Variants in TYR observed in about 807,000 individuals in gnomAD.
The protein encoded by TYR is tyrosinase.
Under a neutral mutation model 51.5 loss-of-function variants are expected in TYR, and 58 were observed. The observed-to-expected ratio is 1.13, with a 90% CI of 0.91 to 1.40. TYR has a LOEUF of 1.40. Among genes scored for constraint, TYR ranks in the 40% most tolerant of loss-of-function variants. The pLI, the probability that TYR is intolerant of heterozygous loss-of-function variation, is 0.00. For missense variants in TYR, 732 were observed against 647.4 expected (o/e 1.13, Z -1.42); for synonymous variants, 263 against 235.2 (o/e 1.12, Z -1.08).
At chr11:89,258,418 A>G (rs1415577834) in intron 3 of TYR, among the ~76,000 whole-genome samples, 2 of 151,652 alleles carry the variant, frequency 1.3e-5, no homozygotes, top group Non-Finnish European at 2.9e-5. Context: ...TATTACCTAT[A>G]TGGCAACATC....
intron 2 of TYR, among the ~76,000 whole-genome samples, chr11:89,207,330 T>C (rs1943685248): frequency 6.6e-6 from 1 of 152,094 alleles, no homozygotes; most frequent in African/African-American, 2.4e-5. Flanking sequence ...AATAAAAGCG[T>C]ACTATGAGCA....
At chr11:89,257,658 G>A (rs1449220342) in intron 3 of TYR, among the ~76,000 whole-genome samples, 1 of 151,938 alleles carries the variant, frequency 6.6e-6, no homozygotes, top group Non-Finnish European at 1.5e-5. Flanking sequence ...AACACAGAAG[G>A]ACCAGGAAAG....
chr11:89,275,018 C>T (rs1051889778), intron 3 of TYR, among the ~76,000 whole-genome samples: 3 of 151,814 alleles, frequency 2.0e-5, no homozygotes, highest in Admixed American at 6.6e-5. Flanking sequence ...TCATGGCATC[C>T]TCTTTGACCT....
intron 3 of TYR, among the ~76,000 whole-genome samples, chr11:89,246,362 C>G (rs893589789): frequency 7.2e-5 from 11 of 152,312 alleles, no homozygotes; most frequent in Middle Eastern, 3.4e-3. Context: ...CTACTTTCCT[C>G]ATAAGAACCT....
intron 3 of TYR, among the ~76,000 whole-genome samples, chr11:89,280,659 A>G (rs963861920): frequency 2.6e-5 from 4 of 151,598 alleles, no homozygotes; most frequent in Non-Finnish European, 5.9e-5. Context: ...TTTATATCAT[A>G]TCTAATATGA....
intron 4 of TYR, among the ~76,000 whole-genome samples, chr11:89,293,280 G>C (rs1316347870): frequency 6.6e-6 from 1 of 151,374 alleles, no homozygotes; most frequent in Admixed American, 6.6e-5. Flanking sequence ...CATGATTTTT[G>C]TTTGGTGAAT....
At chr11:89,262,891 A>T (rs1235427211) in intron 3 of TYR, among the ~76,000 whole-genome samples, 1 of 150,318 alleles carries the variant, frequency 6.7e-6, no homozygotes, top group East Asian at 1.9e-4. Flanking sequence ...ACAACAACAA[A>T]GAAAATCTCA....
intron 2 of TYR, among the ~76,000 whole-genome samples, chr11:89,212,536 G>A (rs1374139359): frequency 6.6e-6 from 1 of 151,926 alleles, no homozygotes; most frequent in African/African-American, 2.4e-5. Flanking sequence ...CATTCCTTCT[G>A]AAAATATTCC....
chr11:89,198,956 T>C (rs2135259740), intron 2 of TYR, among the ~76,000 whole-genome samples: 1 of 152,140 alleles, frequency 6.6e-6, no homozygotes, highest in African/African-American at 2.4e-5. Context: ...TTCCCCACCC[T>C]GTGTCCAAGC....
chr11:89,263,166 G>A (rs1175247656), intron 3 of TYR, among the ~76,000 whole-genome samples: 1 of 151,556 alleles, frequency 6.6e-6, no homozygotes, highest in African/African-American at 2.4e-5. Flanking sequence ...AAGCCAAATT[G>A]GATTTATTTG....
At chr11:89,199,919 A>G (rs1943574064) in intron 2 of TYR, among the ~76,000 whole-genome samples, 1 of 152,200 alleles carries the variant, frequency 6.6e-6, no homozygotes, top group African/African-American at 2.4e-5. Context: ...ATCTTTATGG[A>G]GCAAAATAAT....
At chr11:89,294,912 A>G (rs935688962) in intron 4 of TYR, among the ~76,000 whole-genome samples, 2 of 152,186 alleles carry the variant, frequency 1.3e-5, no homozygotes, top group African/African-American at 4.8e-5. Flanking sequence ...GATGTTATCT[A>G]TAAAATTCAA....
chr11:89,280,943 C>T (rs141101606), intron 3 of TYR, among the ~76,000 whole-genome samples: 1 of 151,896 alleles, frequency 6.6e-6, no homozygotes, highest in Admixed American at 6.6e-5. Flanking sequence ...TCCCTACATA[C>T]TCTTCCTCAG....
chr11:89,278,590 T>C (rs1944685321), intron 3 of TYR, among the ~76,000 whole-genome samples: 1 of 151,572 alleles, frequency 6.6e-6, no homozygotes, highest in Non-Finnish European at 1.5e-5. Context: ...TGTTTGTTCT[T>C]TTTTTAAGTA....
At chr11:89,262,492 C>A (rs185049478) in intron 3 of TYR, among the ~76,000 whole-genome samples, 190 of 149,130 alleles carry the variant, frequency 1.3e-3, no homozygotes, top group African/African-American at 4.5e-3. Context: ...AGTAAAGACT[C>A]GAGTAGAAAT....
intron 3 of TYR, among the ~76,000 whole-genome samples, chr11:89,251,370 C>T (rs533206274): frequency 6.6e-6 from 1 of 151,812 alleles, no homozygotes; most frequent in Admixed American, 6.6e-5. Flanking sequence ...TTCTGCTTGT[C>T]GGATTGCCAC....
chr11:89,248,378 T>G (rs1467008372), intron 3 of TYR, among the ~76,000 whole-genome samples: 1 of 152,146 alleles, frequency 6.6e-6, no homozygotes, highest in Non-Finnish European at 1.5e-5. Flanking sequence ...CCAGTTGAGA[T>G]AGGCTACCTA....
intron 2 of TYR, among the ~76,000 whole-genome samples, chr11:89,194,920 G>A (rs914207934): frequency 3.9e-5 from 6 of 152,114 alleles, no homozygotes; most frequent in Admixed American, 3.3e-4. Context: ...CCTGAAATTA[G>A]CCATGACTCC....
chr11:89,258,867 G>C (rs192061628), intron 3 of TYR, among the ~76,000 whole-genome samples: 28 of 152,168 alleles, frequency 1.8e-4, no homozygotes, highest in African/African-American at 6.0e-4. Flanking sequence ...TCAGAGCAGA[G>C]TGGGGAGCAG....
Sources: gnomAD v4.1 joint callset for allele counts (sites outside exome capture counted in the v4.1 genomes callset) on GRCh38, gnomAD v4.1.1 for gene constraint, MANE v1.5 for transcripts, NCBI Gene and HGNC (gene_info 2026-07-23, HGNC 2026-07-21) for gene names.